The following KIAA2012 variants were observed in gnomAD, a reference collection of about 807,000 sequenced individuals.
The protein encoded by KIAA2012 is uncharacterized protein KIAA2012.
A neutral mutation model predicts 150.6 loss-of-function variants in KIAA2012; 125 were observed. That is an observed-to-expected ratio of 0.83 (90% confidence interval 0.72 to 0.96). The LOEUF (loss-of-function observed/expected upper bound fraction) is 0.96, where lower values mean the gene tolerates loss of function less well. KIAA2012 is among the 40% of genes least tolerant of loss of function. The pLI is 0.00. For synonymous variants in KIAA2012, 462 were observed against 504.7 expected (o/e 0.92, Z 1.13); for missense variants, 1,219 against 1,354.9 (o/e 0.90, Z 1.57).
At chr2:202,188,382 T>C in intron 18 of KIAA2012, 116 bp downstream of exon 18, 1 of 767,964 alleles carries the variant, frequency 1.3e-6, no homozygotes, top group Non-Finnish European at 2.1e-6. Context: ...TGAGACTTCT[T>C]GACTACTACA....
At chr2:202,162,447 G>A (rs1691675505) in intron 14 of KIAA2012, among the ~76,000 whole-genome samples, 1 of 151,668 alleles carries the variant, frequency 6.6e-6, no homozygotes, top group African/African-American at 2.4e-5. Context: ...GCTAATTTTT[G>A]TATTTTTAGT....
chr2:202,098,942 G>A (rs1425670379), intron 5 of KIAA2012, among the ~76,000 whole-genome samples: 1 of 149,608 alleles, frequency 6.7e-6, no homozygotes, highest in Non-Finnish European at 1.5e-5. Context: ...AGGAAAGGGG[G>A]AGAAGAGCCA....
chr2:202,194,697 G>C, intron 21 of KIAA2012, among the ~76,000 whole-genome samples: 1 of 152,162 alleles, frequency 6.6e-6, no homozygotes, highest in East Asian at 1.9e-4. Flanking sequence ...CTTCAGGGCA[G>C]ACTTTCAGGT....
chr2:202,139,573 G>T (rs756470995), intron 13 of KIAA2012, among the ~76,000 whole-genome samples: 1 of 152,128 alleles, frequency 6.6e-6, no homozygotes, highest in Admixed American at 6.5e-5. Flanking sequence ...ATAAAGAAAC[G>T]GGTTTGCTTT....
At chr2:202,154,642 G>T in intron 13 of KIAA2012, 31 bp from the exon 14 acceptor site, 1 of 1,514,996 alleles carries the variant, frequency 6.6e-7, no homozygotes, top group Non-Finnish European at 8.8e-7. Context: ...TCATTCATAT[G>T]AAAGTTCGGG....
Position 202,165,672 on chromosome 2 carries a change from G to T in KIAA2012, c.2119+316G>T, listed in dbSNP as rs189539787. 2.6e-5 allele frequency among the ~76,000 whole-genome samples: 4 copies of T among 152,214 alleles called. No individual in the cohort carries two copies. The East Asian group carries it at 5.8e-4, about 22-fold the overall frequency. On this transcript the variant is annotated intron_variant, in intron 15 of 23. Transcript: ENST00000498697. ...GGAGGCAGAGGTTGCGGTGAGCTGA[G>T]ATCGCACCACTGCACTCCAGCCTGG...
intron 13 of KIAA2012, among the ~76,000 whole-genome samples, chr2:202,148,984 G>T (rs1048655317): frequency 1.3e-5 from 2 of 152,290 alleles, no homozygotes; most frequent in East Asian, 1.9e-4. Context: ...TTTTAGGTCC[G>T]CAGGCTGCCA....
chr2:202,190,581 T>C, intron 19 of KIAA2012, 88 bp downstream of exon 19: 1 of 1,005,460 alleles, frequency 9.9e-7, no homozygotes, highest in Non-Finnish European at 1.4e-6. Context: ...CCTAATTATA[T>C]TGCACTTACT....
chr2:202,179,642 T>A (rs1184129313), intron 15 of KIAA2012: 5 of 658,406 alleles, frequency 7.6e-6, no homozygotes, highest in South Asian at 6.8e-5. Context: ...GTAGCTTCTG[T>A]AATGCAAGAA....
chr2:202,201,901 C>G (rs1433528971), intron 22 of KIAA2012: 1 of 966,630 alleles, frequency 1.0e-6, no homozygotes, highest in Non-Finnish European at 1.7e-6. Flanking sequence ...GCTGCAGGTC[C>G]GGTTCGTCTC....
chr2:202,190,923 C>T (rs1335270895), intron 19 of KIAA2012, among the ~76,000 whole-genome samples: 1 of 152,178 alleles, frequency 6.6e-6, no homozygotes, highest in African/African-American at 2.4e-5. Context: ...TCCTAATCTG[C>T]GTTTCTGCGG....
intron 5 of KIAA2012, among the ~76,000 whole-genome samples, chr2:202,098,221 A>C (rs1394964798): frequency 6.6e-6 from 1 of 152,180 alleles, no homozygotes; most frequent in Admixed American, 6.5e-5. Flanking sequence ...TTAGCTGGGC[A>C]TGATGGTGGG....
chr2:202,100,236 A>G, intron 6 of KIAA2012, 71 bp from the exon 7 acceptor site: 12 of 1,460,706 alleles, frequency 8.2e-6, no homozygotes, highest in Non-Finnish European at 1.0e-5. Context: ...CGACGTGATA[A>G]AAGTCAAAAC....
intron 13 of KIAA2012, among the ~76,000 whole-genome samples, chr2:202,141,569 A>C (rs866873825): frequency 6.6e-6 from 1 of 152,264 alleles, no homozygotes; most frequent in Non-Finnish European, 1.5e-5. Flanking sequence ...TAATAGCTGC[A>C]TATGGAACAT....
intron 15 of KIAA2012, among the ~76,000 whole-genome samples, chr2:202,173,557 G>A (rs1015091644): frequency 3.9e-5 from 6 of 151,944 alleles, no homozygotes; most frequent in Admixed American, 1.3e-4. Flanking sequence ...CAACAAGAAC[G>A]AAACTCCATC....
At chr2:202,149,348 C>A (rs1691374066) in intron 13 of KIAA2012, among the ~76,000 whole-genome samples, 1 of 152,188 alleles carries the variant, frequency 6.6e-6, no homozygotes, top group African/African-American at 2.4e-5. Context: ...ACTTGAGAGA[C>A]CACCTAAGGG....
chr2:202,168,672 A>G (rs2105726233), intron 15 of KIAA2012, among the ~76,000 whole-genome samples: 1 of 152,268 alleles, frequency 6.6e-6, no homozygotes, highest in Non-Finnish European at 1.5e-5. Flanking sequence ...AGCAGACCCA[A>G]AATGAATGAA....
intron 23 of KIAA2012, among the ~76,000 whole-genome samples, chr2:202,202,885 C>T (rs537842106): frequency 3.8e-4 from 57 of 151,992 alleles, no homozygotes; most frequent in Middle Eastern, 3.4e-3. Context: ...TATGACGGTG[C>T]CACTGTACTG....
At chr2:202,109,208 G>C (rs568415413) in intron 9 of KIAA2012, among the ~76,000 whole-genome samples, 2 of 152,302 alleles carry the variant, frequency 1.3e-5, no homozygotes, top group South Asian at 4.1e-4. Context: ...CAGAGCCTTA[G>C]GACTAGGGTT....
Sources: allele counts gnomAD v4.1 joint callset (sites outside exome capture counted in the v4.1 genomes callset), GRCh38; gene constraint gnomAD v4.1.1; transcripts MANE v1.5; gene names NCBI Gene and HGNC (gene_info 2026-07-23, HGNC 2026-07-21).